TRAPPC5: variants seen among roughly 807,000 people sequenced by gnomAD.
TRAPPC5 encodes trafficking protein particle complex subunit 5.
In TRAPPC5, 5 loss-of-function variants were observed where a neutral mutation model predicts 9.8. The ratio of observed to expected loss-of-function variants is 0.51; its 90% confidence interval spans 0.27 to 1.07. TRAPPC5 has a LOEUF of 1.07. TRAPPC5 is among the 50% of genes least tolerant of loss of function. TRAPPC5 has a pLI of 0.12. For missense variants in TRAPPC5, 243 were observed against 291.5 expected, an observed-to-expected ratio of 0.83 and a Z score of 1.21; for synonymous variants, 146 against 140.7, an observed-to-expected ratio of 1.04 and a Z score of -0.26.
Position 7,682,917 on chromosome 19 carries a change from C to T in TRAPPC5, c.*97C>T, listed in dbSNP as rs2032669304. On this transcript the variant is annotated 3_prime_UTR_variant, in exon 2 of 2. Coordinates refer to ENST00000596148, the MANE Select transcript of TRAPPC5 (RefSeq NM_001042462.2). The surrounding 1 kb of genome is among the most constrained non-coding windows in gnomAD (Gnocchi z 8.6). ...TCCACTCAGTACCTTGAGCCACAGCCCTGCCCCAGGCTGGGGAGGGAGGCC... is the reference window on the plus strand; with the variant it reads ...TCCACTCAGTACCTTGAGCCACAGCTCTGCCCCAGGCTGGGGAGGGAGGCC... 4.4e-6 allele frequency: 6 copies of T among 1,362,834 alleles called. No homozygotes were observed. The highest frequency in any genetic ancestry group is 2.5e-5 in the East Asian group (1 of 39,632). 84.4% of individuals were successfully genotyped at this position (1,362,834 alleles called of 1,614,324 possible).
In TRAPPC5 at chr19:7,682,783, C is replaced by T. The variant is rs2032666184; in HGVS notation, c.530C>T (p.Ala177Val). 2 of 1,609,062 alleles carry T rather than the reference C, an allele frequency of 1.2e-6. No homozygotes were observed. The highest frequency in any genetic ancestry group is 2.7e-5 in the African/African-American group (2 of 74,818). Residue 177 changes from alanine (A) to valine (V), a missense_variant, in exon 2 of 2, where the codon GCA (alanine) becomes GTA (valine). Transcript: ENST00000596148. The surrounding 1 kb of genome is among the most constrained non-coding windows in gnomAD (Gnocchi z 8.6). ...GTTLMIKFEE[A>V]VIARDRALEG... ...ACGCTCATGATCAAGTTCGAGGAGG[C>T]AGTCATCGCTCGAGACCGGGCCCTG...
At position 7,684,810 on chromosome 19, in the gene TRAPPC5, C is replaced by T. The variant is rs1235678619; in HGVS notation, c.*1990C>T. 1 of 152,034 alleles carries T rather than the reference C, an allele frequency of 6.6e-6. No individual in the cohort carries two copies. Among genetic ancestry groups the T allele is most frequent in the Non-Finnish European group, 1.5e-5 (1 of 68,022 alleles). The allele number at this position is 152,034 out of a possible 1,614,324, so 9.4% of individuals were successfully genotyped here. Reference sequence around the variant, plus strand: ...AATACTTTAAAGTTAATTTTAAAGTCCAGGATGATACAAACACATTTCCCT... The same window carrying T: ...AATACTTTAAAGTTAATTTTAAAGTTCAGGATGATACAAACACATTTCCCT... On this transcript the variant is annotated 3_prime_UTR_variant, in exon 2 of 2. Transcript: ENST00000596148.
chr19:7,683,312 T>G lies in TRAPPC5; in HGVS notation c.*492T>G, dbSNP rs10405586. ...CTCACCTCACTGCAAACCTCCACCT[T>G]GGGTTCACGTGATTCTCCTGCCTCA... is the stretch of plus-strand genomic sequence containing the variant. On this transcript the variant is annotated 3_prime_UTR_variant, in exon 2 of 2. Transcript: ENST00000596148. 1 of 152,342 alleles carries G rather than the reference T, an allele frequency of 6.6e-6. No individual in the cohort carries two copies. The highest frequency in any genetic ancestry group is 1.5e-5 in the Non-Finnish European group (1 of 68,394). The allele number at this position is 152,342 out of a possible 1,614,324, so 9.4% of individuals were successfully genotyped here.
In TRAPPC5 at chr19:7,683,982, T is replaced by G. The variant is rs926666452; in HGVS notation, c.*1162T>G. The G allele has an allele frequency of 3.9e-5, 6 of 152,110 alleles. No individual in the cohort carries two copies. The highest frequency in any genetic ancestry group is 5.9e-5 in the Non-Finnish European group (4 of 68,038). The allele number at this position is 152,110 out of a possible 1,614,324, so 9.4% of individuals were successfully genotyped here. A position where few individuals can be genotyped will look rare whatever the true frequency, so the allele number is the denominator to read the frequency against. Reference sequence around the variant, plus strand: ...AATTTTTAAAAAATTTTTGTAGAGATGGGGGCTCTTATTAGGTTGCCCAGG... The same window carrying G: ...AATTTTTAAAAAATTTTTGTAGAGAGGGGGGCTCTTATTAGGTTGCCCAGG... On this transcript the variant is annotated 3_prime_UTR_variant, in exon 2 of 2. Transcript: ENST00000596148.
In TRAPPC5 at chr19:7,684,691, A is replaced by G. The variant is rs1453342179; in HGVS notation, c.*1871A>G. On this transcript the variant is annotated 3_prime_UTR_variant, in exon 2 of 2. Transcript: ENST00000596148. Reference sequence around the variant, plus strand: ...TGTCTCTACTAAAAATACAAAAATTAGCTGGGCATGGAGGTGCATTCCTGT... The same window carrying G: ...TGTCTCTACTAAAAATACAAAAATTGGCTGGGCATGGAGGTGCATTCCTGT... 6.6e-6 allele frequency: 1 copy of G among 152,230 alleles called. No individual in the cohort carries two copies. Among genetic ancestry groups the G allele is most frequent in the Non-Finnish European group, 1.5e-5 (1 of 68,052 alleles). 9.4% of individuals were successfully genotyped at this position (152,230 alleles called of 1,614,324 possible). A position where few individuals can be genotyped will look rare whatever the true frequency, so the allele number is the denominator to read the frequency against.
At position 7,682,837 on chromosome 19, in the gene TRAPPC5, G is replaced by T; in HGVS notation, c.*17G>T. On this transcript the variant is annotated 3_prime_UTR_variant, in exon 2 of 2. Coordinates refer to ENST00000596148, the MANE Select transcript of TRAPPC5 (RefSeq NM_001042462.2). This position sits in a 1 kb window ranked among gnomAD's most constrained non-coding sequence, Gnocchi z 8.6. Reference sequence around the variant, plus strand: ...GGCCGCTGACCCTGCCGGAGATAAAGGATACAGAGAGCCCCTCCCCACGTG... The same window carrying T: ...GGCCGCTGACCCTGCCGGAGATAAATGATACAGAGAGCCCCTCCCCACGTG... 1 of 1,559,834 alleles carries T rather than the reference G, an allele frequency of 6.4e-7. No individual in the cohort carries two copies. The highest frequency in any genetic ancestry group is 8.7e-7 in the Non-Finnish European group (1 of 1,149,072).
rs1240392583 is a variant in TRAPPC5, at chr19:7,683,363, G to A, written c.*543G>A. ...GCTTCCCAAGTAGCTGGGATTACAG[G>A]TGCCTCCCACCACACCCGGCTAATT... On this transcript the variant is annotated 3_prime_UTR_variant, in exon 2 of 2. Coordinates refer to ENST00000596148, the MANE Select transcript of TRAPPC5 (RefSeq NM_001042462.2). The A allele has an allele frequency of 1.3e-5, 2 of 152,732 alleles. No individual in the cohort carries two copies. Among genetic ancestry groups the A allele is most frequent in the Non-Finnish European group, 2.9e-5 (2 of 68,618 alleles). 9.5% of individuals were successfully genotyped at this position (152,732 alleles called of 1,614,324 possible). A position where few individuals can be genotyped will look rare whatever the true frequency, so the allele number is the denominator to read the frequency against.
rs4804767 is a variant in TRAPPC5 at position 7,683,938 on chromosome 19, C to T, written c.*1118C>T. ...CTGGGATTACAGGCGTGAGCCATGGCGCCCAGCCATGCCCAGCTAATTTTT... is the reference window on the plus strand; with the variant it reads ...CTGGGATTACAGGCGTGAGCCATGGTGCCCAGCCATGCCCAGCTAATTTTT... On this transcript the variant is annotated 3_prime_UTR_variant, in exon 2 of 2. Transcript: ENST00000596148. The T allele has an allele frequency of 0.2, 30,693 of 152,234 alleles. 3,995 individuals carry two copies. The highest frequency in any genetic ancestry group is 0.37 in the African/African-American group (15,404 of 41,496). 9.4% of individuals were successfully genotyped at this position (152,234 alleles called of 1,614,324 possible).
Position 7,683,044 on chromosome 19 carries a change from G to A in TRAPPC5, c.*224G>A. On this transcript the variant is annotated 3_prime_UTR_variant, in exon 2 of 2. Transcript: ENST00000596148. The stretch of plus-strand genomic sequence containing the variant: ...TGGGGAGAAATAAACCCGGCAAAAG[G>A]AGTTGGTGGGAAATGCTGGCAGGTT... The A allele has an allele frequency of 3.5e-6, 2 of 567,614 alleles. No individual in the cohort carries two copies. Among genetic ancestry groups the A allele is most frequent in the East Asian group, 3.0e-5 (1 of 33,800 alleles). The allele number at this position is 567,614 out of a possible 1,614,324, so 35.2% of individuals were successfully genotyped here. A position where few individuals can be genotyped will look rare whatever the true frequency, so the allele number is the denominator to read the frequency against.
rs6952 is a variant in TRAPPC5 at position 7,682,407 on chromosome 19, T to G, written c.154T>G (p.Ser52Ala). 496,152 of 1,580,882 alleles carry G rather than the reference T, an allele frequency of 0.31. 80,967 individuals carry two copies. Among genetic ancestry groups the G allele is most frequent in the African/African-American group, 0.54 (39,964 of 73,798 alleles). Residue 52 changes from serine to alanine, a missense_variant, in exon 2 of 2, where the codon TCG (serine) becomes GCG (alanine). Coordinates refer to ENST00000596148, the MANE Select transcript of TRAPPC5 (RefSeq NM_001042462.2). The surrounding 1 kb of genome is among the most constrained non-coding windows in gnomAD (Gnocchi z 8.6). ...SRVFSVAELQ[S>A]RLAALGRQVG... ...CGTCTTCTCCGTGGCCGAGCTGCAG[T>G]CGCGCCTGGCCGCGCTGGGCCGCCA...
In TRAPPC5 at chr19:7,682,195, C is replaced by A; in HGVS notation, c.-12-47C>A. On this transcript the variant is annotated intron_variant, in intron 1 of 1. Transcript: ENST00000596148. The surrounding 1 kb of genome is among the most constrained non-coding windows in gnomAD (Gnocchi z 8.6). ...CTCCCTCCTTTCCTCCCGGCCTGCT[C>A]CCCTTCCCATTGCCCCTGACACCTG... The A allele has an allele frequency of 7.4e-7, 1 of 1,355,146 alleles. No homozygotes were observed. Among genetic ancestry groups the A allele is most frequent in the South Asian group, 1.7e-5 (1 of 58,630 alleles). The allele number at this position is 1,355,146 out of a possible 1,614,324, so 83.9% of individuals were successfully genotyped here.
chr19:7,682,289 G>A lies in TRAPPC5; in HGVS notation c.36G>A (p.Leu12=), dbSNP rs1239729245. The A allele has an allele frequency of 2.1e-6, 3 of 1,451,450 alleles. No individual in the cohort carries two copies. Among genetic ancestry groups the A allele is most frequent in the South Asian group, 2.9e-5 (2 of 68,604 alleles). 89.9% of individuals were successfully genotyped at this position (1,451,450 alleles called of 1,614,324 possible). The stretch of plus-strand genomic sequence containing the variant: ...GCTTCACGCGCGGGAAGTCGGCGCT[G>A]CTGGAGCGCGCGCTGGCGCGGCCGC... ...EARFTRGKSA[L]LERALARPRT... is the part of the protein sequence containing the mutation. Residue 12 remains leucine (L), a synonymous_variant, in exon 2 of 2, where the codon CTG becomes CTA. Transcript: ENST00000596148. This position sits in a 1 kb window ranked among gnomAD's most constrained non-coding sequence, Gnocchi z 8.6.
Position 7,685,087 on chromosome 19 carries a change from A to G in TRAPPC5, c.*2267A>G, listed in dbSNP as rs1311353187. On this transcript the variant is annotated 3_prime_UTR_variant, in exon 2 of 2. Transcript: ENST00000596148. ...GAAGTTTGAGACCAACCTGGTCAAC[A>G]TGGCAAAACCCATCTTTACTAAAAA... is the stretch of plus-strand genomic sequence containing the variant. 2 of 152,106 alleles carry G rather than the reference A, an allele frequency of 1.3e-5. No individual in the cohort carries two copies. Among genetic ancestry groups the G allele is most frequent in the Non-Finnish European group, 2.9e-5 (2 of 68,022 alleles). The allele number at this position is 152,106 out of a possible 1,614,324, so 9.4% of individuals were successfully genotyped here. A position where few individuals can be genotyped will look rare whatever the true frequency, so the allele number is the denominator to read the frequency against.
chr19:7,684,206 GA>G lies in TRAPPC5; in HGVS notation c.*1387del, dbSNP rs2032689465. ...GTGCATTTTAGCGAGGCCCCCAGGG[GA>G]TTCCTGGGGACCTTAGATTGAGATG... is the stretch of plus-strand genomic sequence containing the variant. On this transcript the variant is annotated 3_prime_UTR_variant, in exon 2 of 2. Coordinates refer to ENST00000596148, the MANE Select transcript of TRAPPC5 (RefSeq NM_001042462.2). 6.6e-6 allele frequency: 1 copy of G among 152,144 alleles called. No homozygotes were observed. Among genetic ancestry groups the G allele is most frequent in the African/African-American group, 2.4e-5 (1 of 41,440 alleles). 9.4% of individuals were successfully genotyped at this position (152,144 alleles called of 1,614,324 possible). A position where few individuals can be genotyped will look rare whatever the true frequency, so the allele number is the denominator to read the frequency against.
At position 7,687,348 on chromosome 19, in the gene TRAPPC5, GCCTC is replaced by G. The variant is rs1365702106; in HGVS notation, c.*4535_*4538del. On this transcript the variant is annotated 3_prime_UTR_variant, in exon 2 of 2. Coordinates refer to ENST00000596148, the MANE Select transcript of TRAPPC5 (RefSeq NM_001042462.2). Reference sequence around the variant, plus strand: ...GTGGAGAGGGGACCCTGTGCTCCTGGCCTCCCTCCCGTGGCCTCCGGCATGGGTC... The same window carrying G: ...GTGGAGAGGGGACCCTGTGCTCCTGGCCTCCCGTGGCCTCCGGCATGGGTC... 8.5e-5 allele frequency: 13 copies of G among 152,458 alleles called. No individual in the cohort carries two copies. The highest frequency in any genetic ancestry group is 8.5e-4 in the Admixed American group (13 of 15,276). The allele number at this position is 152,458 out of a possible 1,614,324, so 9.4% of individuals were successfully genotyped here. A position where few individuals can be genotyped will look rare whatever the true frequency, so the allele number is the denominator to read the frequency against.
chr19:7,682,988 G>A lies in TRAPPC5; in HGVS notation c.*168G>A. Reference sequence around the variant, plus strand: ...TAGAGTGGGGGCGGGTCTGGCCATAGGGTTGGGGGGTTGAGTGAGACCAGG... The same window carrying A: ...TAGAGTGGGGGCGGGTCTGGCCATAAGGTTGGGGGGTTGAGTGAGACCAGG... On this transcript the variant is annotated 3_prime_UTR_variant, in exon 2 of 2. Transcript: ENST00000596148. This position sits in a 1 kb window ranked among gnomAD's most constrained non-coding sequence, Gnocchi z 8.6. The A allele has an allele frequency of 1.4e-6, 1 of 712,348 alleles. No homozygotes were observed. The highest frequency in any genetic ancestry group is 1.9e-5 in the South Asian group (1 of 51,674). 44.1% of individuals were successfully genotyped at this position (712,348 alleles called of 1,614,324 possible).
rs1360311809 is a variant in TRAPPC5, at chr19:7,684,167, T to C, written c.*1347T>C. ...TGCAGTCTCAGGCCCACCCCAGAGC[T>C]GCTGAATCTGAGGGTGCATTTTAGC... On this transcript the variant is annotated 3_prime_UTR_variant, in exon 2 of 2. Coordinates refer to ENST00000596148, the MANE Select transcript of TRAPPC5 (RefSeq NM_001042462.2). 2.6e-5 allele frequency: 4 copies of C among 152,230 alleles called. No homozygotes were observed. The highest frequency in any genetic ancestry group is 9.6e-5 in the African/African-American group (4 of 41,456). 9.4% of individuals were successfully genotyped at this position (152,230 alleles called of 1,614,324 possible). A position where few individuals can be genotyped will look rare whatever the true frequency, so the allele number is the denominator to read the frequency against.
rs372880794 is a variant in TRAPPC5, at chr19:7,682,805, C to T, written c.552C>T (p.Ala184=). ...FEEAVIARDR[A]LEGR ...AGGCAGTCATCGCTCGAGACCGGGC[C>T]CTGGAGGGCCGCTGACCCTGCCGGA... The change falls in exon 2 of 2, where the codon GCC becomes GCT. Residue 184 remains alanine, a synonymous_variant. Transcript: ENST00000596148. This position sits in a 1 kb window ranked among gnomAD's most constrained non-coding sequence, Gnocchi z 8.6. 1 of 1,598,084 alleles carries T rather than the reference C, an allele frequency of 6.3e-7. No individual in the cohort carries two copies. The highest frequency in any genetic ancestry group is 8.5e-7 in the Non-Finnish European group (1 of 1,170,960).
In TRAPPC5 at chr19:7,686,954, T is replaced by G. The variant is rs2032726749; in HGVS notation, c.*4134T>G. 6.6e-6 allele frequency: 1 copy of G among 151,948 alleles called. No individual in the cohort carries two copies. The highest frequency in any genetic ancestry group is 1.5e-5 in the Non-Finnish European group (1 of 68,016). The allele number at this position is 151,948 out of a possible 1,614,324, so 9.4% of individuals were successfully genotyped here. ...TCACTACACCTCTAGTTTTTGTATTTTTTGTAGAGATGGGGCCTCACTATG... is the reference window on the plus strand; with the variant it reads ...TCACTACACCTCTAGTTTTTGTATTGTTTGTAGAGATGGGGCCTCACTATG... On this transcript the variant is annotated 3_prime_UTR_variant, in exon 2 of 2. Coordinates refer to ENST00000596148, the MANE Select transcript of TRAPPC5 (RefSeq NM_001042462.2).
Sources: gnomAD v4.1 joint callset for allele counts on GRCh38, gnomAD v4.1.1 for gene constraint, Gnocchi (gnomAD v3.1) non-coding constraint, MANE v1.5 for transcripts, NCBI Gene and HGNC (gene_info 2026-07-23, HGNC 2026-07-21) for gene names.